LCA5L: variants seen among roughly 807,000 people sequenced by gnomAD.
The protein encoded by LCA5L is lebercilin-like protein.
A neutral mutation model predicts 45.4 loss-of-function variants in LCA5L; 35 were observed. That is an observed-to-expected ratio of 0.77 (90% CI 0.59 to 1.02). The LOEUF (loss-of-function observed/expected upper bound fraction) is 1.02, where lower values mean the gene tolerates loss of function less well. LCA5L is among the 50% of genes least tolerant of loss of function. LCA5L has a pLI of 0.00. For synonymous variants in LCA5L, 233 were observed against 264.7 expected, an observed-to-expected ratio of 0.88 and a Z score of 1.16; for missense variants, 668 against 761.6, an observed-to-expected ratio of 0.88 and a Z score of 1.45.
At chr21:39,442,687 G>A (rs1376332027) in intron 2 of LCA5L, among the ~76,000 whole-genome samples, 2 of 152,122 alleles carry the variant, frequency 1.3e-5, no homozygotes, top group African/African-American at 4.8e-5. Flanking sequence ...AACGGAAGAG[G>A]TTCCAGCTGG....
intron 5 of LCA5L, among the ~76,000 whole-genome samples, chr21:39,425,480 G>A (rs2074507784): frequency 6.6e-6 from 1 of 152,156 alleles, no homozygotes; most frequent in Non-Finnish European, 1.5e-5. Context: ...TTTAGTAGGG[G>A]CTATGGCTGA....
chr21:39,419,531 AAAAAG>A (rs1464842492), intron 7 of LCA5L, among the ~76,000 whole-genome samples: 19 of 138,756 alleles, frequency 1.4e-4, no homozygotes, highest in African/African-American at 6.4e-4. Flanking sequence ...TTCAAAAAAA[AAAAAG>A]AAAAAAGAAA....
intron 3 of LCA5L, among the ~76,000 whole-genome samples, chr21:39,432,337 A>G (rs1443190366): frequency 6.6e-6 from 1 of 152,140 alleles, no homozygotes; most frequent in African/African-American, 2.4e-5. Flanking sequence ...CATAAGAAAA[A>G]CTGGGACCAG....
chr21:39,410,782 AGT>A, intron 8 of LCA5L: 1 of 468,156 alleles, frequency 2.1e-6, no homozygotes, highest in Non-Finnish European at 4.4e-6. Context: ...TTTCCTGAAA[AGT>A]GAAGGAAATT....
At chr21:39,435,264 T>C (rs2076182673) in intron 3 of LCA5L, among the ~76,000 whole-genome samples, 156 bp downstream of exon 3, 2 of 152,252 alleles carry the variant, frequency 1.3e-5, no homozygotes, top group African/African-American at 4.8e-5. Flanking sequence ...ATATTATGCT[T>C]ATCTAATTAG....
chr21:39,413,826 C>T (rs1462683580), intron 7 of LCA5L: 1 of 152,166 alleles, frequency 6.6e-6, no homozygotes, highest in Non-Finnish European at 1.5e-5. Flanking sequence ...ATTTTGATTA[C>T]CTGAAAAATT....
rs188982828 is a variant in LCA5L at position 39,413,367 on chromosome 21, A to G, written c.976-1565T>C. Reference sequence around the variant, plus strand: ...ATAAGACTGTTTTGAGTTAGAAGAGACTGAGACAAGCTTTTATCCATTTCT... The same window carrying G: ...ATAAGACTGTTTTGAGTTAGAAGAGGCTGAGACAAGCTTTTATCCATTTCT... On this transcript the variant is annotated intron_variant, in intron 7 of 10. Transcript: ENST00000288350. 2.9e-3 allele frequency among the ~76,000 whole-genome samples: 437 copies of G among 152,302 alleles called. 4 individuals carry two copies. Among genetic ancestry groups the G allele is most frequent in the African/African-American group, 9.9e-3 (412 of 41,558 alleles).
chr21:39,442,244 C>T (rs576932486), intron 2 of LCA5L, among the ~76,000 whole-genome samples: 1 of 152,192 alleles, frequency 6.6e-6, no homozygotes, highest in Admixed American at 6.5e-5. Flanking sequence ...AATGCCAAGG[C>T]CTGGTGGGTG....
chr21:39,411,882 G>A (rs2040142331), intron 7 of LCA5L, 80 bp from the exon 8 acceptor site: 2 of 756,626 alleles, frequency 2.6e-6, no homozygotes. Flanking sequence ...CAATTTAAAT[G>A]AGCTCAGTAT....
At chr21:39,438,729 G>A (rs1413861781) in intron 2 of LCA5L, 1 of 151,996 alleles carries the variant, frequency 6.6e-6, no homozygotes, top group Non-Finnish European at 1.5e-5. Flanking sequence ...CTACCAGAAT[G>A]GCAAAAATTA....
intron 5 of LCA5L, among the ~76,000 whole-genome samples, chr21:39,424,605 G>T (rs574513039): frequency 6.6e-6 from 1 of 152,126 alleles, no homozygotes; most frequent in Non-Finnish European, 1.5e-5. Context: ...TATGTTATGG[G>T]TAATTAGAGT....
Position 39,422,996 on chromosome 21 carries a change from C to T in LCA5L, c.817G>A (p.Ala273Thr), listed in dbSNP as rs548708923. 37 of 1,612,290 alleles carry T rather than the reference C, an allele frequency of 2.3e-5. No individual in the cohort carries two copies. Among genetic ancestry groups the T allele is most frequent in the South Asian group, 1.3e-4 (12 of 90,698 alleles). ...CAGACCTGTATTTTTTTGTCATTTGCGTCCATTTTTGTTGTGATAATAGAT... is the reference window on the plus strand; with the variant it reads ...CAGACCTGTATTTTTTTGTCATTTGTGTCCATTTTTGTTGTGATAATAGAT... Reference protein sequence around the residue: ...KLSIITTKMDANDKKIQSLEK... With the variant: ...KLSIITTKMDTNDKKIQSLEK... The change falls in exon 6 of 11, where the codon GCA (alanine) becomes ACA (threonine). Residue 273 changes from alanine (A) to threonine (T), a missense_variant. Ala to Thr is a moderately conservative substitution (Grantham distance 58). Transcript: ENST00000288350.
In LCA5L at chr21:39,421,367, C is replaced by T. The variant is rs551951012; in HGVS notation, c.838-524G>A. Among the ~76,000 whole-genome samples, 10 of 152,204 alleles carry T rather than the reference C, an allele frequency of 6.6e-5. No individual in the cohort carries two copies. In the South Asian group the frequency reaches 1.2e-3, roughly 19 times the overall value. ...CCTCCCAAAGTGCTGGTATTACGGG[C>T]GAGAGGCCACTGTGCCCTGCCCGAT... On this transcript the variant is annotated intron_variant, in intron 6 of 10. Coordinates refer to ENST00000288350, the MANE Select transcript of LCA5L (RefSeq NM_152505.4).
rs1199858106 is a variant in LCA5L, at chr21:39,429,143, T to C, written c.-23A>G. On this transcript the variant is annotated 5_prime_UTR_variant, in exon 4 of 11. Transcript: ENST00000288350. ...TATAGCAGCTTACCTCAAAAGCAGA[T>C]TGAAACAAACAGATCCATCTTCTGA... The C allele has an allele frequency of 6.6e-6, 1 of 152,202 alleles. No individual in the cohort carries two copies. The highest frequency in any genetic ancestry group is 1.9e-4 in the East Asian group (1 of 5,192). The allele number at this position is 152,202 out of a possible 1,614,324, so 9.4% of individuals were successfully genotyped here. A position where few individuals can be genotyped will look rare whatever the true frequency, so the allele number is the denominator to read the frequency against.
At chr21:39,418,702 GT>G (rs2041744643) in intron 7 of LCA5L, among the ~76,000 whole-genome samples, 1 of 152,100 alleles carries the variant, frequency 6.6e-6, no homozygotes. Flanking sequence ...GTTTTGCCAT[GT>G]TGGTCAGGCT....
intron 10 of LCA5L, among the ~76,000 whole-genome samples, chr21:39,408,142 G>C (rs1438584069): frequency 2.6e-5 from 4 of 152,194 alleles, no homozygotes; most frequent in Non-Finnish European, 5.9e-5. Flanking sequence ...GCTGCAGCCA[G>C]ATCTCCCACG....
intron 2 of LCA5L, among the ~76,000 whole-genome samples, chr21:39,438,004 G>A (rs1337439060): frequency 6.6e-6 from 1 of 152,012 alleles, no homozygotes; most frequent in Non-Finnish European, 1.5e-5. Context: ...GAGTAATTTT[G>A]TGAAATTTGA....
At chr21:39,434,156 A>C (rs1194280021) in intron 3 of LCA5L, among the ~76,000 whole-genome samples, 1 of 152,158 alleles carries the variant, frequency 6.6e-6, no homozygotes, top group Non-Finnish European at 1.5e-5. Flanking sequence ...TGTGAGTTCT[A>C]TTCTTTTCCA....
intron 3 of LCA5L, among the ~76,000 whole-genome samples, chr21:39,434,527 CTTTCT>C (rs1601940875): frequency 1.3e-5 from 2 of 152,102 alleles, no homozygotes; most frequent in South Asian, 4.1e-4. Context: ...ACCTACTGTT[CTTTCT>C]TTTGAGACGG....
Sources: allele counts gnomAD v4.1 joint callset (sites outside exome capture counted in the v4.1 genomes callset), GRCh38; gene constraint gnomAD v4.1.1; transcripts MANE v1.5; gene names NCBI Gene and HGNC (gene_info 2026-07-23, HGNC 2026-07-21).